The following HDAC8 variants were observed in gnomAD, a reference collection of about 807,000 sequenced individuals.
HDAC8 encodes histone deacetylase-like 1.
Under a neutral mutation model 32.2 loss-of-function variants are expected in HDAC8, and 1 was observed. The ratio of observed to expected loss-of-function variants is 0.03; its 90% CI spans 0.01 to 0.15. The LOEUF (loss-of-function observed/expected upper bound fraction) is 0.15. Ranked by LOEUF, HDAC8 falls within the 10% of genes least tolerant of loss-of-function variation. The probability of loss-of-function intolerance (pLI) is 1.00; values close to 1 mark genes in which losing one functional copy is unlikely to be tolerated. For missense variants in HDAC8, 117 were observed against 300.0 expected, an observed-to-expected ratio of 0.39 and a Z score of 4.51; for synonymous variants, 108 against 113.9, an observed-to-expected ratio of 0.95 and a Z score of 0.33.
At chrX:72,487,936 A>G (rs1056668762) in intron 7 of HDAC8, among the ~76,000 whole-genome samples, 26 of 86,956 alleles carry the variant, frequency 3.0e-4, no homozygotes, top group Admixed American at 2.0e-3. Flanking sequence ...GGCAGGCTCC[A>G]AAAAAAAAAA....
chrX:72,552,517 G>A (rs782301755), intron 4 of HDAC8, among the ~76,000 whole-genome samples: 18 of 110,470 alleles, frequency 1.6e-4, no homozygotes, highest in East Asian at 1.4e-3. Context: ...AGGCTGAGGC[G>A]GCAGGAGAAT....
chrX:72,413,479 T>C (rs2046257013), intron 9 of HDAC8, among the ~76,000 whole-genome samples: 1 of 110,987 alleles, frequency 9.0e-6, no homozygotes, highest in Non-Finnish European at 1.9e-5. Context: ...TGGAATGACC[T>C]GCCAGCCTGG....
At position 72,531,450 on chromosome X, in the gene HDAC8, T is replaced by A. The variant is rs527746265; in HGVS notation, c.438-36182A>T. ...AGAAAGGTGATTATTCAGAAAAGTTTTATTTTCTGGTCACTAATATGCATA... is the reference window on the plus strand; with the variant it reads ...AGAAAGGTGATTATTCAGAAAAGTTATATTTTCTGGTCACTAATATGCATA... On this transcript the variant is annotated intron_variant, in intron 4 of 10. Coordinates refer to ENST00000373573, the MANE Select transcript of HDAC8 (RefSeq NM_018486.3). Among the ~76,000 whole-genome samples the A allele has an allele frequency of 8.8e-4, 99 of 112,138 alleles. 3 individuals are homozygous for A. The South Asian group carries it at 0.034, about 38-fold the overall frequency.
At chrX:72,521,273 C>A (rs1315786169) in intron 4 of HDAC8, among the ~76,000 whole-genome samples, 1 of 111,222 alleles carries the variant, frequency 9.0e-6, no homozygotes, top group Non-Finnish European at 1.9e-5. Context: ...TAAAGTAGGT[C>A]TTTCTCCCTT....
chrX:72,517,776 C>T (rs1160143653), intron 4 of HDAC8, among the ~76,000 whole-genome samples: 4 of 111,898 alleles, frequency 3.6e-5, no homozygotes, highest in African/African-American at 1.3e-4. Context: ...CACTGGTCTG[C>T]GTGTCTATCC....
At chrX:72,477,318 T>C (rs2048364892) in intron 7 of HDAC8, among the ~76,000 whole-genome samples, 1 of 112,279 alleles carries the variant, frequency 8.9e-6, no homozygotes, top group African/African-American at 3.2e-5. Flanking sequence ...CACAGTTTAA[T>C]ACATACGGGT....
At chrX:72,522,413 T>C (rs1556029327) in intron 4 of HDAC8, among the ~76,000 whole-genome samples, 1 of 112,415 alleles carries the variant, frequency 8.9e-6, no homozygotes, top group African/African-American at 3.2e-5. Context: ...AATGCCTTGC[T>C]TTCTCCACTT....
At chrX:72,547,344 C>T (rs2050896467) in intron 4 of HDAC8, among the ~76,000 whole-genome samples, 1 of 108,109 alleles carries the variant, frequency 9.2e-6, no homozygotes, top group African/African-American at 3.4e-5. Flanking sequence ...TGTTGCTTTT[C>T]AGCTGAATCA....
intron 9 of HDAC8, among the ~76,000 whole-genome samples, chrX:72,438,210 AG>A (rs1555980109): frequency 2.7e-5 from 3 of 111,991 alleles, no homozygotes; most frequent in African/African-American, 6.5e-5. Context: ...CAGCGTCTGG[AG>A]TGGACCTCCA....
intron 9 of HDAC8, among the ~76,000 whole-genome samples, chrX:72,360,502 T>C (rs1403647568): frequency 1.8e-5 from 2 of 112,588 alleles, no homozygotes; most frequent in Non-Finnish European, 3.7e-5. Flanking sequence ...CCAAGGTCAA[T>C]GCCAATCTCT....
At chrX:72,361,730 A>G (rs1296900982) in intron 9 of HDAC8, among the ~76,000 whole-genome samples, 1 of 110,193 alleles carries the variant, frequency 9.1e-6, no homozygotes, top group Non-Finnish European at 1.9e-5. Flanking sequence ...AAAAAAAAAA[A>G]AAAATAAGGT....
chrX:72,507,798 C>T (rs963787952), intron 4 of HDAC8, among the ~76,000 whole-genome samples: 4 of 112,335 alleles, frequency 3.6e-5, no homozygotes, highest in Non-Finnish European at 5.6e-5. Flanking sequence ...GTGTCTGCAG[C>T]GTTGTGGTTT....
At chrX:72,511,640 A>G (rs781930253) in intron 4 of HDAC8, among the ~76,000 whole-genome samples, 2 of 112,041 alleles carry the variant, frequency 1.8e-5, no homozygotes, top group East Asian at 5.6e-4. Context: ...ACTGATCACA[A>G]TCTCTGTCAA....
Position 72,330,009 on chromosome X carries a change from T to C in HDAC8, c.*45A>G, listed in dbSNP as rs782259577. The C allele has an allele frequency of 8.3e-5, 94 of 1,135,709 alleles. 1 individual carries two copies. In the South Asian group the frequency reaches 1.6e-3, roughly 20 times the overall value. 93.6% of individuals were successfully genotyped at this position (1,135,709 alleles called of 1,213,427 possible). A position where few individuals can be genotyped will look rare whatever the true frequency, so the allele number is the denominator to read the frequency against. ...TTGCATAAACACGCTGTCTTCATTA[T>C]AGGCACCACTCCTCAGCTCTGGAAA... is the stretch of plus-strand genomic sequence containing the variant. On this transcript the variant is annotated 3_prime_UTR_variant, in exon 11 of 11. Coordinates refer to ENST00000373573, the MANE Select transcript of HDAC8 (RefSeq NM_018486.3).
At chrX:72,437,767 C>T (rs782748426) in intron 9 of HDAC8, among the ~76,000 whole-genome samples, 24 of 112,114 alleles carry the variant, frequency 2.1e-4, no homozygotes, top group African/African-American at 2.9e-4. Flanking sequence ...TCTGCAAAGC[C>T]GCTGTACCCA....
At chrX:72,445,378 G>A (rs1310381811) in intron 9 of HDAC8, among the ~76,000 whole-genome samples, 33 of 111,256 alleles carry the variant, frequency 3.0e-4, no homozygotes, top group Non-Finnish European at 4.0e-4. Flanking sequence ...AAATAATGCC[G>A]CATATCTACA....
intron 9 of HDAC8, among the ~76,000 whole-genome samples, chrX:72,369,943 G>T (rs1328001285): frequency 8.9e-6 from 1 of 112,297 alleles, no homozygotes; most frequent in African/African-American, 3.2e-5. Context: ...GGGGTGGTTG[G>T]ACAGGAGACA....
chrX:72,335,928 T>TAAC (rs1205579004), intron 10 of HDAC8, among the ~76,000 whole-genome samples: 1,943 of 103,499 alleles, frequency 0.019, 46 homozygotes, highest in African/African-American at 0.06. Flanking sequence ...AAAAAAAAAT[T>TAAC]AACAACAACA....
At chrX:72,572,378 C>T in intron 1 of HDAC8, 1 of 418,331 alleles carries the variant, frequency 2.4e-6, no homozygotes, top group Non-Finnish European at 4.1e-6. Context: ...CTTCAGCGGT[C>T]CCCTATGAGT....
Sources: allele counts gnomAD v4.1 joint callset (sites outside exome capture counted in the v4.1 genomes callset), GRCh38; gene constraint gnomAD v4.1.1; transcripts MANE v1.5; gene names NCBI Gene and HGNC (gene_info 2026-07-23, HGNC 2026-07-21).